The following INTS6 variants were observed in gnomAD, a reference collection of about 807,000 sequenced individuals.
The protein encoded by INTS6 is DEAD box protein.
In INTS6, 16 loss-of-function variants were observed where a neutral mutation model predicts 104.9. The ratio of observed to expected loss-of-function variants is 0.15; its 90% CI spans 0.10 to 0.23. The LOEUF (loss-of-function observed/expected upper bound fraction) is 0.23. Ranked by LOEUF, INTS6 falls within the 10% of genes least tolerant of loss-of-function variation. The probability of loss-of-function intolerance (pLI) is 1.00; values close to 1 mark genes in which losing one functional copy is unlikely to be tolerated. For missense variants in INTS6, 584 were observed against 1,062.8 expected (o/e 0.55, Z 6.26); for synonymous variants, 324 against 358.7 (o/e 0.90, Z 1.09).
intron 4 of INTS6, among the ~76,000 whole-genome samples, chr13:51,397,772 G>A (rs898516739): frequency 4.6e-5 from 7 of 151,970 alleles, no homozygotes; most frequent in Non-Finnish European, 1.0e-4. Flanking sequence ...ATAGATACAT[G>A]GAACTGTCTT....
intron 3 of INTS6, chr13:51,443,629 G>A (rs901535120): frequency 1.3e-5 from 2 of 152,116 alleles, no homozygotes; most frequent in Non-Finnish European, 2.9e-5. Context: ...AAGGCGTGGT[G>A]GAAAGACTGC....
At chr13:51,446,522 A>C (rs1348324776) in intron 3 of INTS6, 1 of 152,208 alleles carries the variant, frequency 6.6e-6, no homozygotes, top group Non-Finnish European at 1.5e-5. Flanking sequence ...TTAAAATGGA[A>C]TTACAATATG....
chr13:51,357,527 G>A (rs188562842), downstream of INTS6, among the ~76,000 whole-genome samples: 575 of 152,164 alleles, frequency 3.8e-3, 2 homozygotes, highest in Admixed American at 5.3e-3. Flanking sequence ...CGGTCCCAAA[G>A]CCCAGAATCA....
chr13:51,336,482 G>A, the INTS6 span, among the ~76,000 whole-genome samples: 1 of 152,012 alleles, frequency 6.6e-6, no homozygotes, highest in Non-Finnish European at 1.5e-5. Context: ...GCAAAACCCT[G>A]TCTCAAAAAA....
At chr13:51,428,796 T>C (rs1018841790) in intron 4 of INTS6, among the ~76,000 whole-genome samples, 1 of 152,194 alleles carries the variant, frequency 6.6e-6, no homozygotes, top group Admixed American at 6.5e-5. Context: ...ATAAATTATT[T>C]AATCATGGAT....
Position 51,452,533 on chromosome 13 carries a change from GC to G in INTS6, c.-9del. Reference sequence around the variant, plus strand: ...GAACAGTAAGATGGGCATAGTGCTGGCCGGGGACACCGGGGCCCGAGGTGGT... The same window carrying G: ...GAACAGTAAGATGGGCATAGTGCTGGCGGGGACACCGGGGCCCGAGGTGGT... On this transcript the variant is annotated 5_prime_UTR_variant, in exon 1 of 18. Transcript: ENST00000311234. This position sits in a 1 kb window ranked among gnomAD's most constrained non-coding sequence, Gnocchi z 4.2. The G allele has an allele frequency of 6.2e-7, 1 of 1,609,750 alleles. No homozygotes were observed. The highest frequency in any genetic ancestry group is 8.5e-7 in the Non-Finnish European group (1 of 1,177,334).
rs1239487177 is a variant in INTS6 at position 51,369,050 on chromosome 13, G to A, written c.2365C>T (p.Pro789Ser). ...DKEQCAEENI[P>S]ASSLNKGKKL... ...TTTCCTTTGTTGAGTGAAGATGCTG[G>A]TATGTTCTCTTCAGCACATTGTTCT... The change falls in exon 16 of 18, where the codon CCA becomes TCA. Residue 789 changes from proline to serine, a missense_variant. This residue lies in a region of INTS6 where 296 missense variants were observed against 437.0 expected (regional missense o/e 0.68). Transcript: ENST00000311234. 1.2e-6 allele frequency: 2 copies of A among 1,613,698 alleles called. No homozygotes were observed. The highest frequency in any genetic ancestry group is 2.7e-5 in the African/African-American group (2 of 74,956).
At chr13:51,335,479 T>G in the INTS6 span, among the ~76,000 whole-genome samples, 2 of 152,012 alleles carry the variant, frequency 1.3e-5, no homozygotes, top group Non-Finnish European at 2.9e-5. Context: ...AAAATAAAAG[T>G]GATGGGAAAT....
chr13:51,376,036 C>T lies in INTS6; in HGVS notation c.1729+12G>A. 6.3e-7 allele frequency: 1 copy of T among 1,586,476 alleles called. No homozygotes were observed. ...AAAATTAAAAATACCAGTATTGAAACTATGTTCTAACCTTCGTCCTGTCCT... is the reference window on the plus strand; with the variant it reads ...AAAATTAAAAATACCAGTATTGAAATTATGTTCTAACCTTCGTCCTGTCCT... On this transcript the variant is annotated intron_variant, in intron 13 of 17. Coordinates refer to ENST00000311234, the MANE Select transcript of INTS6 (RefSeq NM_012141.3).
At chr13:51,424,078 T>C (rs1956943504) in intron 4 of INTS6, among the ~76,000 whole-genome samples, 1 of 152,086 alleles carries the variant, frequency 6.6e-6, no homozygotes, top group Non-Finnish European at 1.5e-5. Context: ...ACCACAGTAC[T>C]TTATATATAT....
intron 3 of INTS6, among the ~76,000 whole-genome samples, chr13:51,431,105 C>A (rs189603036): frequency 6.6e-6 from 1 of 152,204 alleles, no homozygotes; most frequent in Non-Finnish European, 1.5e-5. Context: ...TCTGGCCAAC[C>A]CACTCTACTA....
the INTS6 span, among the ~76,000 whole-genome samples, chr13:51,345,849 TC>T: frequency 1.3e-5 from 2 of 152,218 alleles, no homozygotes; most frequent in Non-Finnish European, 2.9e-5. Context: ...AGGCTGATTG[TC>T]CTCTAAGAAA....
At chr13:51,438,852 A>T (rs1446411444) in intron 3 of INTS6, 1 of 152,254 alleles carries the variant, frequency 6.6e-6, no homozygotes, top group Non-Finnish European at 1.5e-5. Flanking sequence ...ATCCAAAAGC[A>T]CTGTACCTTG....
chr13:51,398,057 A>G (rs1190956836), intron 4 of INTS6, among the ~76,000 whole-genome samples: 1 of 152,108 alleles, frequency 6.6e-6, no homozygotes, highest in African/African-American at 2.4e-5. Context: ...ATTGCTTCTC[A>G]TTTCTCCCTC....
At chr13:51,411,684 A>C (rs1450805041) in intron 4 of INTS6, among the ~76,000 whole-genome samples, 1 of 152,228 alleles carries the variant, frequency 6.6e-6, no homozygotes, top group African/African-American at 2.4e-5. Context: ...TGTTGGAAAG[A>C]CGTAGAGTAA....
intron 12 of INTS6, among the ~76,000 whole-genome samples, chr13:51,377,798 C>A (rs1389504947): frequency 6.6e-6 from 1 of 152,050 alleles, no homozygotes; most frequent in Non-Finnish European, 1.5e-5. Flanking sequence ...TATTCCAGGA[C>A]CTTTACATTT....
At chr13:51,368,666 T>G (rs1344538389) in intron 16 of INTS6, among the ~76,000 whole-genome samples, 1 of 152,136 alleles carries the variant, frequency 6.6e-6, no homozygotes, top group Non-Finnish European at 1.5e-5. Context: ...CCATCGTTGG[T>G]CAGAATATTC....
chr13:51,345,991 G>A, the INTS6 span, among the ~76,000 whole-genome samples: 4 of 152,294 alleles, frequency 2.6e-5, 1 homozygote, highest in East Asian at 7.7e-4. Context: ...GTAACTGGGT[G>A]GATGGTGGCT....
intron 6 of INTS6, among the ~76,000 whole-genome samples, chr13:51,388,311 T>A (rs867484892): frequency 1.3e-5 from 2 of 152,078 alleles, no homozygotes; most frequent in Admixed American, 6.6e-5. Context: ...CCTACTTTAG[T>A]GGACCACCTC....
Sources: gnomAD v4.1 joint callset for allele counts (sites outside exome capture counted in the v4.1 genomes callset) on GRCh38, gnomAD v4.1.1 for gene constraint, gnomAD v4.1.1 regional missense constraint, Gnocchi (gnomAD v3.1) non-coding constraint, MANE v1.5 for transcripts, NCBI Gene and HGNC (gene_info 2026-07-23, HGNC 2026-07-21) for gene names.